Variants in UST observed in about 807,000 individuals in gnomAD.
UST encodes chondroitin sulfate 2-O-sulfotransferase.
A neutral mutation model predicts 45.6 loss-of-function variants in UST; 21 were observed. That is an observed-to-expected ratio of 0.46 (90% confidence interval 0.33 to 0.66). The LOEUF is 0.66. UST is among the 30% of genes least tolerant of loss of function. The pLI is 0.02. For synonymous variants in UST, 215 were observed against 200.6 expected (o/e 1.07, Z -0.61); for missense variants, 463 against 512.4 (o/e 0.90, Z 0.93).
intron 2 of UST, among the ~76,000 whole-genome samples, chr6:148,916,739 C>A (rs139856977): frequency 3.9e-5 from 6 of 152,204 alleles, no homozygotes; most frequent in Non-Finnish European, 7.4e-5. Context: ...CAGCACCTTG[C>A]GTTTGAGCAC....
chr6:148,879,583 G>A (rs1384670), intron 1 of UST, among the ~76,000 whole-genome samples: 35,866 of 152,154 alleles, frequency 0.24, 4,516 homozygotes, highest in South Asian at 0.43. Context: ...AAAAGCAGGC[G>A]AGTAGAATGT....
At chr6:148,754,679 A>G (rs182243483) in intron 1 of UST, among the ~76,000 whole-genome samples, 6 of 152,366 alleles carry the variant, frequency 3.9e-5, no homozygotes, top group South Asian at 2.1e-4. Context: ...TTTCAGATAT[A>G]TGATCTTGCT....
intron 2 of UST, among the ~76,000 whole-genome samples, chr6:148,893,671 T>G (rs1039666934): frequency 6.6e-6 from 1 of 152,192 alleles, no homozygotes; most frequent in African/African-American, 2.4e-5. Context: ...GTCTATGCCC[T>G]CCGGGAGTTT....
chr6:148,788,663 T>C (rs931879340), intron 1 of UST, among the ~76,000 whole-genome samples: 1 of 152,076 alleles, frequency 6.6e-6, no homozygotes, highest in Non-Finnish European at 1.5e-5. Flanking sequence ...TCTTAAGAGC[T>C]CTTAAAAAAA....
At chr6:149,002,846 A>T (rs1408866120) in intron 5 of UST, among the ~76,000 whole-genome samples, 1 of 152,200 alleles carries the variant, frequency 6.6e-6, no homozygotes, top group African/African-American at 2.4e-5. Context: ...CATTAATTTT[A>T]AAAAATCATA....
chr6:148,994,331 A>G (rs949557396), intron 5 of UST, among the ~76,000 whole-genome samples: 1 of 152,036 alleles, frequency 6.6e-6, no homozygotes. Flanking sequence ...AAAAGTTTCT[A>G]CATTCTTGGT....
At chr6:148,901,618 T>C (rs555726537) in intron 2 of UST, among the ~76,000 whole-genome samples, 127 of 150,538 alleles carry the variant, frequency 8.4e-4, no homozygotes, top group Non-Finnish European at 1.1e-3. Flanking sequence ...AGTGCAATGG[T>C]GTGATCTTAG....
At chr6:149,013,816 G>T (rs1393939204) in intron 5 of UST, among the ~76,000 whole-genome samples, 1 of 152,190 alleles carries the variant, frequency 6.6e-6, no homozygotes, top group East Asian at 1.9e-4. Flanking sequence ...ACTGATCCAT[G>T]TTTCAAGCAT....
At chr6:148,905,803 G>GGCTCCTGTTAGAGATCTT (rs1315257588) in intron 2 of UST, among the ~76,000 whole-genome samples, 1 of 152,128 alleles carries the variant, frequency 6.6e-6, no homozygotes, top group African/African-American at 2.4e-5. Flanking sequence ...GGCAGCCTTG[G>GGCTCCTGTTAGAGATCTT]GCTCCTGTTA....
intron 2 of UST, among the ~76,000 whole-genome samples, chr6:148,907,054 A>G (rs1202859918): frequency 1.3e-5 from 2 of 152,212 alleles, no homozygotes; most frequent in African/African-American, 4.8e-5. Context: ...AAAAATTATG[A>G]ATATATTTTA....
chr6:148,931,620 C>G (rs1402096646), intron 2 of UST, among the ~76,000 whole-genome samples: 1 of 152,156 alleles, frequency 6.6e-6, no homozygotes, highest in African/African-American at 2.4e-5. Flanking sequence ...GACTTTTGGA[C>G]GACTGAATAC....
chr6:148,791,206 G>A (rs1302903490), intron 1 of UST, among the ~76,000 whole-genome samples: 2 of 152,180 alleles, frequency 1.3e-5, no homozygotes, highest in African/African-American at 4.8e-5. Flanking sequence ...GTTGCTAAAT[G>A]TCCTGCAATG....
intron 1 of UST, among the ~76,000 whole-genome samples, chr6:148,796,445 G>A (rs1328172005): frequency 8.6e-5 from 13 of 151,970 alleles, no homozygotes; most frequent in African/African-American, 2.4e-4. Flanking sequence ...CCAGCATGGC[G>A]AAACCCTGTC....
intron 1 of UST, among the ~76,000 whole-genome samples, chr6:148,786,159 ACT>A (rs1776730857): frequency 6.6e-6 from 1 of 151,802 alleles, no homozygotes; most frequent in Non-Finnish European, 1.5e-5. Flanking sequence ...AAGAGTTTCA[ACT>A]CTCAATTTTT....
At chr6:148,936,544 G>T (rs1780029471) in intron 2 of UST, among the ~76,000 whole-genome samples, 1 of 145,890 alleles carries the variant, frequency 6.9e-6, no homozygotes, top group Non-Finnish European at 1.5e-5. Context: ...CTAGGACAGG[G>T]TCAGTCCCTC....
rs546785977 is a variant in UST at position 148,901,553 on chromosome 6, C to A, written c.291+14524C>A. On this transcript the variant is annotated intron_variant, in intron 2 of 7. Transcript: ENST00000367463. ...CCTTCAGCCCAGAAGTGACCCGTGTCACTTTTTTTTTTTTTTTTTTTGAGA... is the reference window on the plus strand; with the variant it reads ...CCTTCAGCCCAGAAGTGACCCGTGTAACTTTTTTTTTTTTTTTTTTTGAGA... 7.6e-5 allele frequency among the ~76,000 whole-genome samples: 11 copies of A among 144,474 alleles called. No homozygotes were observed. The East Asian group carries it at 2.0e-3, about 26-fold the overall frequency. 94.8% of individuals were successfully genotyped at this position (144,474 alleles called of 152,430 possible).
In UST at chr6:149,058,394, C is replaced by T. The variant is rs1042607673; in HGVS notation, c.938-15439C>T. Among the ~76,000 whole-genome samples the T allele has an allele frequency of 1.0e-4, 15 of 148,190 alleles. 1 individual carries two copies. Among genetic ancestry groups the T allele is most frequent in the South Asian group, 2.2e-4 (1 of 4,650 alleles). Reference sequence around the variant, plus strand: ...GTGTGTGTGTGTGTGTGTGTATGTGCGCGCGCGTGTGTCTGTGTGTAAGAG... The same window carrying T: ...GTGTGTGTGTGTGTGTGTGTATGTGTGCGCGCGTGTGTCTGTGTGTAAGAG... On this transcript the variant is annotated intron_variant, in intron 7 of 7. Coordinates refer to ENST00000367463, the MANE Select transcript of UST (RefSeq NM_005715.3).
intron 2 of UST, among the ~76,000 whole-genome samples, chr6:148,932,232 T>G (rs1400765155): frequency 6.6e-6 from 1 of 152,072 alleles, no homozygotes; most frequent in African/African-American, 2.4e-5. Flanking sequence ...ATACAAAAAT[T>G]AGCCAGGCAT....
At chr6:148,966,154 G>C (rs959315967) in intron 5 of UST, among the ~76,000 whole-genome samples, 1 of 151,938 alleles carries the variant, frequency 6.6e-6, no homozygotes, top group African/African-American at 2.4e-5. Flanking sequence ...AATCCGGGAG[G>C]CAGAGGTTGC....
Sources: allele counts gnomAD v4.1 joint callset (sites outside exome capture counted in the v4.1 genomes callset), GRCh38; gene constraint gnomAD v4.1.1; transcripts MANE v1.5; gene names NCBI Gene and HGNC (gene_info 2026-07-23, HGNC 2026-07-21).